The following DOCK4 variants were observed in gnomAD, a reference collection of about 807,000 sequenced individuals.
DOCK4 encodes dedicator of cytokinesis protein 4.
In DOCK4, 97 loss-of-function variants were observed where a neutral mutation model predicts 268.1. That is an observed-to-expected ratio of 0.36 (90% CI 0.31 to 0.43). The LOEUF is 0.43. DOCK4 is among the 20% of genes least tolerant of loss of function. The pLI, the probability that DOCK4 is intolerant of heterozygous loss-of-function variation, is 1.00. For synonymous variants in DOCK4, 954 were observed against 887.2 expected (o/e 1.08, Z -1.34); for missense variants, 2,145 against 2,455.7 (o/e 0.87, Z 2.67).
In DOCK4 at chr7:111,870,639, A is replaced by G. The variant is rs926907627; in HGVS notation, c.2028-984T>C. Among the ~76,000 whole-genome samples, 6 of 152,050 alleles carry G rather than the reference A, an allele frequency of 3.9e-5. No homozygotes were observed. The South Asian group carries it at 6.2e-4, about 16-fold the overall frequency. ...GCCCAGCCAGTTCTTGGTTTCTAGGAAACAGTTTACCCAGCAATGTTTCTC... is the reference window on the plus strand; with the variant it reads ...GCCCAGCCAGTTCTTGGTTTCTAGGGAACAGTTTACCCAGCAATGTTTCTC... On this transcript the variant is annotated intron_variant, in intron 20 of 52. Transcript: ENST00000428084.
intron 8 of DOCK4, among the ~76,000 whole-genome samples, chr7:111,948,388 G>A (rs891703531): frequency 1.3e-5 from 2 of 151,968 alleles, no homozygotes; most frequent in African/African-American, 2.4e-5. Flanking sequence ...TAGAAATATC[G>A]AGTAAATATT....
chr7:112,098,203 G>A (rs1356663232), intron 1 of DOCK4, among the ~76,000 whole-genome samples: 1 of 151,894 alleles, frequency 6.6e-6, no homozygotes, highest in Non-Finnish European at 1.5e-5. Flanking sequence ...TTTTTAGACA[G>A]AGTCTCACTC....
At position 112,032,821 on chromosome 7, in the gene DOCK4, T is replaced by A. The variant is rs562061232; in HGVS notation, c.38-28690A>T. ...TTTTATTCTAGCTTGGAATTAGCATTTAAGCATCCACTGAATAATTTTCTC... is the reference window on the plus strand; with the variant it reads ...TTTTATTCTAGCTTGGAATTAGCATATAAGCATCCACTGAATAATTTTCTC... On this transcript the variant is annotated intron_variant, in intron 1 of 52. Transcript: ENST00000428084. 5.9e-5 allele frequency among the ~76,000 whole-genome samples: 9 copies of A among 152,254 alleles called. No homozygotes were observed. In the South Asian group the frequency reaches 1.9e-3, roughly 32 times the overall value.
At chr7:112,174,450 T>C (rs1818334403) in intron 1 of DOCK4, among the ~76,000 whole-genome samples, 1 of 152,098 alleles carries the variant, frequency 6.6e-6, no homozygotes, top group Non-Finnish European at 1.5e-5. Flanking sequence ...AGCATACTGA[T>C]TTTCTGCCTT....
intron 42 of DOCK4, among the ~76,000 whole-genome samples, chr7:111,752,524 TG>T (rs1796729131): frequency 6.6e-6 from 1 of 151,918 alleles, no homozygotes; most frequent in African/African-American, 2.4e-5. Flanking sequence ...AAATCATTTA[TG>T]GATTCTAAAC....
intron 42 of DOCK4, among the ~76,000 whole-genome samples, chr7:111,747,809 C>T (rs960096110): frequency 4.0e-5 from 6 of 151,896 alleles, no homozygotes; most frequent in Admixed American, 1.3e-4. Context: ...AATATTATCC[C>T]CTTTCTCATG....
chr7:112,025,825 G>C (rs547787660), intron 1 of DOCK4, among the ~76,000 whole-genome samples: 1 of 152,242 alleles, frequency 6.6e-6, no homozygotes, highest in Non-Finnish European at 1.5e-5. Context: ...CTTCTGCTGA[G>C]AACAGCCCCA....
intron 1 of DOCK4, among the ~76,000 whole-genome samples, chr7:112,195,525 T>C (rs761678317): frequency 6.6e-6 from 1 of 152,194 alleles, no homozygotes; most frequent in South Asian, 2.1e-4. Flanking sequence ...CAACCAACTT[T>C]GGCTACCAGA....
At chr7:111,783,273 A>G (rs772551777) in intron 34 of DOCK4, among the ~76,000 whole-genome samples, 13 of 152,198 alleles carry the variant, frequency 8.5e-5, no homozygotes, top group Non-Finnish European at 1.5e-4. Flanking sequence ...GTAGGGTGAG[A>G]AGTGGCTGGT....
chr7:111,839,827 T>G (rs573302461), intron 25 of DOCK4, among the ~76,000 whole-genome samples: 1 of 152,190 alleles, frequency 6.6e-6, no homozygotes, highest in Non-Finnish European at 1.5e-5. Flanking sequence ...AATTAATTTT[T>G]TAAATTTTTT....
chr7:111,868,389 A>G (rs545944437), intron 21 of DOCK4, among the ~76,000 whole-genome samples: 39 of 152,368 alleles, frequency 2.6e-4, no homozygotes, highest in Admixed American at 2.4e-3. Context: ...AAAGAAATTT[A>G]AAAGAAATAG....
At position 111,945,712 on chromosome 7, in the gene DOCK4, C is replaced by T; in HGVS notation, c.783+5G>A. On this transcript the variant is annotated splice_donor_5th_base_variant and intron_variant, in intron 9 of 52. Coordinates refer to ENST00000428084, the MANE Select transcript of DOCK4 (RefSeq NM_001363540.2). ...TGCCTTATGAATGAAACAAGATCCA[C>T]TCACCACAAAGAGGGAGCAATGTCG... 6.3e-7 allele frequency: 1 copy of T among 1,589,254 alleles called. No homozygotes were observed. Among genetic ancestry groups the T allele is most frequent in the Non-Finnish European group, 8.6e-7 (1 of 1,166,830 alleles).
intron 23 of DOCK4, among the ~76,000 whole-genome samples, chr7:111,855,120 A>G (rs556410211): frequency 6.6e-6 from 1 of 152,306 alleles, no homozygotes; most frequent in African/African-American, 2.4e-5. Context: ...GGACGGGGCC[A>G]CATCACAGGG....
intron 16 of DOCK4, among the ~76,000 whole-genome samples, chr7:111,887,330 A>G (rs564263890): frequency 3.3e-5 from 5 of 152,234 alleles, no homozygotes; most frequent in Non-Finnish European, 5.9e-5. Context: ...CTAGAAAAAC[A>G]TATCTGGCAG....
In DOCK4 at chr7:111,822,679, A is replaced by C. The variant is rs185889298; in HGVS notation, c.2836-223T>G. Among the ~76,000 whole-genome samples, 627 of 152,314 alleles carry C rather than the reference A, an allele frequency of 4.1e-3. 4 individuals carry two copies. Among genetic ancestry groups the C allele is most frequent in the African/African-American group, 0.014 (583 of 41,568 alleles). ...TTCTTTTCTTTCTTGGGCACAGTGAAAATGAGTTTTTATTTCTCTCCACAG... is the reference window on the plus strand; with the variant it reads ...TTCTTTTCTTTCTTGGGCACAGTGACAATGAGTTTTTATTTCTCTCCACAG... On this transcript the variant is annotated intron_variant, in intron 26 of 52. Coordinates refer to ENST00000428084, the MANE Select transcript of DOCK4 (RefSeq NM_001363540.2).
intron 10 of DOCK4, 41 bp downstream of exon 10, chr7:111,944,770 C>A: frequency 6.4e-7 from 1 of 1,572,396 alleles, no homozygotes; most frequent in Non-Finnish European, 8.8e-7. Flanking sequence ...TTTCTCCTCT[C>A]TGTTCCTTGC....
At chr7:112,072,044 A>G (rs2135673083) in intron 1 of DOCK4, among the ~76,000 whole-genome samples, 1 of 152,300 alleles carries the variant, frequency 6.6e-6, no homozygotes, top group Admixed American at 6.5e-5. Flanking sequence ...TTATTTTCTG[A>G]GTCATAACCT....
intron 1 of DOCK4, among the ~76,000 whole-genome samples, chr7:112,129,199 G>A (rs1813567630): frequency 6.6e-6 from 1 of 152,102 alleles, no homozygotes; most frequent in South Asian, 2.1e-4. Flanking sequence ...TGCATACTAT[G>A]GGATACTATT....
intron 1 of DOCK4, among the ~76,000 whole-genome samples, chr7:112,155,835 T>G (rs751636435): frequency 6.6e-6 from 1 of 152,186 alleles, no homozygotes; most frequent in Non-Finnish European, 1.5e-5. Flanking sequence ...ATGCTCTACA[T>G]CTGCATGATC....
Sources: gnomAD v4.1 joint callset for allele counts (sites outside exome capture counted in the v4.1 genomes callset) on GRCh38, gnomAD v4.1.1 for gene constraint, MANE v1.5 for transcripts, NCBI Gene and HGNC (gene_info 2026-07-23, HGNC 2026-07-21) for gene names.